RBFOX1: variants seen among roughly 807,000 people sequenced by gnomAD.
RBFOX1 encodes the protein RNA binding fox-1 homolog 1.
RBFOX1 carries 8 observed loss-of-function variants against 57.7 expected under a neutral mutation model. That is an observed-to-expected ratio of 0.14 (90% confidence interval 0.08 to 0.25). RBFOX1 has a LOEUF of 0.25. RBFOX1 is among the 10% of genes least tolerant of loss of function. RBFOX1 has a pLI of 1.00. For synonymous variants in RBFOX1, 326 were observed against 222.4 expected (o/e 1.47, Z -4.15); for missense variants, 611 against 548.5 (o/e 1.11, Z -1.14).
At chr16:7,509,805 C>T (rs899106798) in intron 4 of RBFOX1, among the ~76,000 whole-genome samples, 1 of 152,058 alleles carries the variant, frequency 6.6e-6, no homozygotes, top group Non-Finnish European at 1.5e-5. Context: ...GTTTGCCCTC[C>T]CCTCTTAAGA....
Position 5,636,597 on chromosome 16 carries a change from C to A in RBFOX1, c.318+37636C>A, listed in dbSNP as rs545575663. Reference sequence around the variant, plus strand: ...TATCAAGATTTTATTGGCTCATGAACTGGGCAGCTACTGTGGCACATAGCA... The same window carrying A: ...TATCAAGATTTTATTGGCTCATGAAATGGGCAGCTACTGTGGCACATAGCA... On this transcript the variant is annotated intron_variant, in intron 3 of 19. Coordinates refer to the RBFOX1 transcript ENST00000641259. 2.0e-5 allele frequency among the ~76,000 whole-genome samples: 3 copies of A among 152,210 alleles called. No homozygotes were observed. In the South Asian group the frequency reaches 6.2e-4, roughly 32 times the overall value.
intron 4 of RBFOX1, among the ~76,000 whole-genome samples, chr16:5,936,463 A>G (rs2059170839): frequency 6.6e-6 from 1 of 152,154 alleles, no homozygotes; most frequent in African/African-American, 2.4e-5. Flanking sequence ...GTAAGGCAGG[A>G]CAGTGAGACT....
intron 2 of RBFOX1, among the ~76,000 whole-genome samples, chr16:6,600,136 C>T (rs2097833438): frequency 6.6e-6 from 1 of 152,184 alleles, no homozygotes; most frequent in South Asian, 2.1e-4. Flanking sequence ...CCAGACCCAT[C>T]ACCCAATTTA....
At position 5,811,741 on chromosome 16, in the gene RBFOX1, A is replaced by G. The variant is rs994482447; in HGVS notation, c.319-55562A>G. Among the ~76,000 whole-genome samples, 4 of 152,310 alleles carry G rather than the reference A, an allele frequency of 2.6e-5. No individual in the cohort carries two copies. The East Asian group carries it at 5.8e-4, about 22-fold the overall frequency. Reference sequence around the variant, plus strand: ...TGGGATTACAGACGTGAGCCACCACACTAGGCCAGGACAAACTATTTTTAA... The same window carrying G: ...TGGGATTACAGACGTGAGCCACCACGCTAGGCCAGGACAAACTATTTTTAA... On this transcript the variant is annotated intron_variant, in intron 3 of 19. Coordinates refer to the RBFOX1 transcript ENST00000641259.
At chr16:5,324,193 T>A (rs920614555) in intron 1 of RBFOX1, among the ~76,000 whole-genome samples, 6 of 152,218 alleles carry the variant, frequency 3.9e-5, no homozygotes, top group Non-Finnish European at 5.9e-5. Flanking sequence ...CTGGGTGCTG[T>A]GGCTCATGCC....
intron 3 of RBFOX1, among the ~76,000 whole-genome samples, chr16:6,899,480 C>T (rs981565852): frequency 2.6e-5 from 4 of 152,192 alleles, no homozygotes; most frequent in South Asian, 2.1e-4. Context: ...TCAAGAGCAC[C>T]GAGTCATCTG....
chr16:5,532,261 C>T (rs1158402148), intron 2 of RBFOX1, among the ~76,000 whole-genome samples: 1 of 152,184 alleles, frequency 6.6e-6, no homozygotes, highest in Non-Finnish European at 1.5e-5. Context: ...ACAGCCTCTT[C>T]CTCTAGTTGT....
chr16:6,504,765 A>G (rs2096044788), intron 2 of RBFOX1, among the ~76,000 whole-genome samples: 1 of 152,156 alleles, frequency 6.6e-6, no homozygotes, highest in African/African-American at 2.4e-5. Flanking sequence ...TATTTAAAAA[A>G]CAAAGTCTGG....
intron 1 of RBFOX1, among the ~76,000 whole-genome samples, chr16:5,381,560 G>A (rs1294285767): frequency 1.3e-5 from 2 of 152,176 alleles, no homozygotes; most frequent in Admixed American, 6.5e-5. Context: ...AAGAGGTCAA[G>A]GCATAGGCTG....
intron 3 of RBFOX1, among the ~76,000 whole-genome samples, chr16:6,758,511 A>G (rs888021006): frequency 6.6e-6 from 1 of 152,094 alleles, no homozygotes; most frequent in Non-Finnish European, 1.5e-5. Flanking sequence ...AGTCCAGCCT[A>G]GAATACATTA....
At chr16:5,521,956 G>T (rs1228647058) in intron 2 of RBFOX1, among the ~76,000 whole-genome samples, 3 of 152,216 alleles carry the variant, frequency 2.0e-5, no homozygotes, top group Non-Finnish European at 4.4e-5. Context: ...AGAGGAGGCT[G>T]AGGAGGGAAA....
intron 3 of RBFOX1, among the ~76,000 whole-genome samples, chr16:6,672,331 A>C (rs1037729671): frequency 1.3e-5 from 2 of 151,488 alleles, no homozygotes; most frequent in Non-Finnish European, 2.9e-5. Flanking sequence ...TGTGGTGGGG[A>C]AGGGTGGCAG....
At chr16:6,376,282 G>A (rs11077036) in intron 2 of RBFOX1, among the ~76,000 whole-genome samples, 43,086 of 147,838 alleles carry the variant, frequency 0.29, 7,499 homozygotes, top group Non-Finnish European at 0.38. Context: ...GTTGTGTTGG[G>A]TTTTGTTTGT....
intron 9 of RBFOX1, among the ~76,000 whole-genome samples, chr16:7,603,890 A>C (rs942377768): frequency 7.2e-5 from 11 of 152,234 alleles, no homozygotes; most frequent in Non-Finnish European, 1.5e-4. Flanking sequence ...TTTTTAAAAA[A>C]ATTGCTTTGG....
chr16:6,697,005 A>G (rs1194300035), intron 3 of RBFOX1, among the ~76,000 whole-genome samples: 1 of 152,196 alleles, frequency 6.6e-6, no homozygotes, highest in Non-Finnish European at 1.5e-5. Flanking sequence ...TGCATTTAAA[A>G]ACTTCCATAA....
chr16:5,856,120 T>A (rs866555384), intron 3 of RBFOX1, among the ~76,000 whole-genome samples: 8 of 141,474 alleles, frequency 5.7e-5, no homozygotes, highest in Non-Finnish European at 9.1e-5. Context: ...TTGTATATTA[T>A]TTCTAAATTT....
rs765683149 is a variant in RBFOX1, at chr16:7,653,888, C to T, written c.831C>T (p.Arg277=). 47 of 1,601,406 alleles carry T rather than the reference C, an allele frequency of 2.9e-5. No homozygotes were observed. The highest frequency in any genetic ancestry group is 3.7e-5 in the Non-Finnish European group (44 of 1,178,950). The change falls in exon 12 of 16, where the codon CGC becomes CGT. Residue 277 remains arginine (R), a synonymous_variant. Coordinates refer to ENST00000550418, the MANE Select transcript of RBFOX1 (RefSeq NM_018723.4). ...GGGCGCACCTGCGAGGCCGCGGTCG[C>T]ACCGTGTACAACACCTTCAGGGCCG... ...YRGAHLRGRG[R]TVYNTFRAAA...
chr16:7,008,263 C>T (rs1407321965), intron 3 of RBFOX1, among the ~76,000 whole-genome samples: 2 of 152,028 alleles, frequency 1.3e-5, no homozygotes, highest in East Asian at 3.9e-4. Context: ...AAATTCAGGC[C>T]AGGTGCGGTG....
chr16:6,112,468 A>G (rs1173769537), intron 1 of RBFOX1, among the ~76,000 whole-genome samples: 2 of 152,178 alleles, frequency 1.3e-5, no homozygotes, highest in African/African-American at 4.8e-5. Flanking sequence ...AGATGGGCGG[A>G]TCACCTGAGG....
Sources: allele counts gnomAD v4.1 joint callset (sites outside exome capture counted in the v4.1 genomes callset), GRCh38; gene constraint gnomAD v4.1.1; transcripts MANE v1.5; gene names NCBI Gene and HGNC (gene_info 2026-07-23, HGNC 2026-07-21).